Variants in PTPRD observed in about 807,000 individuals in gnomAD.
The protein encoded by PTPRD is protein tyrosine phosphatase receptor type D.
In PTPRD, 34 loss-of-function variants were observed where a neutral mutation model predicts 214.5. That is an observed-to-expected ratio of 0.16 (90% CI 0.12 to 0.21). The LOEUF is 0.21. PTPRD is among the 10% of genes least tolerant of loss of function. The pLI is 1.00. For missense variants in PTPRD, 2,545 were observed against 2,398.7 expected, an observed-to-expected ratio of 1.06 and a Z score of -1.27; for synonymous variants, 1,128 against 845.7, an observed-to-expected ratio of 1.33 and a Z score of -5.79.
intron 2 of PTPRD, among the ~76,000 whole-genome samples, chr9:10,608,825 G>C (rs555382418): frequency 7.9e-5 from 12 of 152,122 alleles, no homozygotes; most frequent in African/African-American, 2.9e-4. Flanking sequence ...GTTTTGAAAA[G>C]CTTGTTACAA....
chr9:9,516,574 T>C (rs937864758), intron 8 of PTPRD, among the ~76,000 whole-genome samples: 1 of 151,860 alleles, frequency 6.6e-6, no homozygotes, highest in Non-Finnish European at 1.5e-5. Context: ...ATTCTTGCTC[T>C]GTTGCCAGGC....
At chr9:8,352,919 T>C (rs558589498) in intron 39 of PTPRD, among the ~76,000 whole-genome samples, 2 of 152,236 alleles carry the variant, frequency 1.3e-5, no homozygotes, top group Admixed American at 6.5e-5. Flanking sequence ...GAGACCATCC[T>C]GGCCAACATG....
At chr9:9,068,237 C>G (rs1454179159) in intron 10 of PTPRD, among the ~76,000 whole-genome samples, 2 of 151,942 alleles carry the variant, frequency 1.3e-5, no homozygotes, top group Admixed American at 6.6e-5. Context: ...AGTTTTTTAT[C>G]CATTTACCCA....
intron 13 of PTPRD, among the ~76,000 whole-genome samples, chr9:8,633,662 C>T (rs1670035630): frequency 6.6e-6 from 1 of 152,072 alleles, no homozygotes; most frequent in South Asian, 2.1e-4. Flanking sequence ...TATGCAACTA[C>T]ATATGCAAAA....
At chr9:8,608,336 T>G (rs987109515) in intron 14 of PTPRD, among the ~76,000 whole-genome samples, 3 of 152,146 alleles carry the variant, frequency 2.0e-5, no homozygotes, top group Non-Finnish European at 4.4e-5. Flanking sequence ...AGTATTTTGC[T>G]TATACTACAA....
At chr9:9,105,131 A>T (rs987733520) in intron 10 of PTPRD, among the ~76,000 whole-genome samples, 1 of 152,184 alleles carries the variant, frequency 6.6e-6, no homozygotes, top group Non-Finnish European at 1.5e-5. Flanking sequence ...GATGAAAGAC[A>T]TCCTAATAAT....
intron 10 of PTPRD, among the ~76,000 whole-genome samples, chr9:9,173,564 C>T (rs577689269): frequency 6.6e-6 from 1 of 152,262 alleles, no homozygotes; most frequent in South Asian, 2.1e-4. Flanking sequence ...TATGGTATAG[C>T]TTATTACTCC....
At chr9:10,400,134 G>C (rs73404288) in intron 2 of PTPRD, among the ~76,000 whole-genome samples, 3 of 151,606 alleles carry the variant, frequency 2.0e-5, no homozygotes, top group African/African-American at 7.3e-5. Flanking sequence ...TTCAATTCTC[G>C]TCTCCTTCAC....
At chr9:10,313,243 T>G (rs2096320094) in intron 3 of PTPRD, among the ~76,000 whole-genome samples, 3 of 151,912 alleles carry the variant, frequency 2.0e-5, no homozygotes, top group Admixed American at 1.3e-4. Context: ...TACACACAGC[T>G]TGACAGTGTT....
intron 36 of PTPRD, among the ~76,000 whole-genome samples, chr9:8,401,204 G>A (rs1329373337): frequency 6.8e-6 from 1 of 147,394 alleles, no homozygotes; most frequent in Non-Finnish European, 1.5e-5. Flanking sequence ...TGGTTCTGTT[G>A]CCCAAGCTGG....
At chr9:9,791,428 T>C (rs1597936039) in intron 5 of PTPRD, among the ~76,000 whole-genome samples, 1 of 152,250 alleles carries the variant, frequency 6.6e-6, no homozygotes, top group African/African-American at 2.4e-5. Flanking sequence ...TTTAATTCTT[T>C]TCTAATGGCC....
intron 10 of PTPRD, among the ~76,000 whole-genome samples, chr9:9,127,291 T>C (rs541751745): frequency 6.6e-6 from 1 of 152,346 alleles, no homozygotes; most frequent in East Asian, 1.9e-4. Context: ...GCTTTTCTCA[T>C]CAATGTTATA....
At chr9:8,431,389 C>T (rs2132187153) in intron 35 of PTPRD, among the ~76,000 whole-genome samples, 1 of 152,106 alleles carries the variant, frequency 6.6e-6, no homozygotes, top group East Asian at 1.9e-4. Context: ...ATTGCCACAG[C>T]CCTTCAGTTT....
chr9:8,537,317 G>T (rs1180603367), intron 14 of PTPRD, among the ~76,000 whole-genome samples: 1 of 151,784 alleles, frequency 6.6e-6, no homozygotes, highest in Non-Finnish European at 1.5e-5. Context: ...TGCTAGTCCA[G>T]TCAGCAAGAA....
intron 8 of PTPRD, among the ~76,000 whole-genome samples, chr9:9,518,300 G>A (rs1232570767): frequency 6.6e-6 from 1 of 152,030 alleles, no homozygotes; most frequent in Non-Finnish European, 1.5e-5. Context: ...GATGAGTGAA[G>A]TGTTTCTTCC....
intron 4 of PTPRD, among the ~76,000 whole-genome samples, chr9:9,988,253 A>T (rs2095791946): frequency 6.6e-6 from 1 of 152,190 alleles, no homozygotes; most frequent in Non-Finnish European, 1.5e-5. Flanking sequence ...CATATTGATC[A>T]GTTTTCAAAA....
chr9:9,771,209 A>G (rs569631176), intron 5 of PTPRD, among the ~76,000 whole-genome samples: 1 of 152,300 alleles, frequency 6.6e-6, no homozygotes, highest in African/African-American at 2.4e-5. Context: ...TACATAATAT[A>G]TCTATATAAT....
chr9:9,573,438 G>A (rs998598052), intron 8 of PTPRD, among the ~76,000 whole-genome samples: 1 of 150,846 alleles, frequency 6.6e-6, no homozygotes, highest in Admixed American at 6.6e-5. Context: ...ACTTATGTCA[G>A]TATTGGTTAT....
chr9:9,815,832 T>C (rs1165272796), intron 5 of PTPRD, among the ~76,000 whole-genome samples: 5 of 152,132 alleles, frequency 3.3e-5, no homozygotes, highest in Non-Finnish European at 7.4e-5. Context: ...ATGTATGACA[T>C]GGTGACTGTA....
Sources: gnomAD v4.1 joint callset for allele counts (sites outside exome capture counted in the v4.1 genomes callset) on GRCh38, gnomAD v4.1.1 for gene constraint, MANE v1.5 for transcripts, NCBI Gene and HGNC (gene_info 2026-07-23, HGNC 2026-07-21) for gene names.